The following ZNF181 variants were observed in gnomAD, a reference collection of about 807,000 sequenced individuals.
ZNF181 encodes zinc finger protein 181.
Under a neutral mutation model 11.9 loss-of-function variants are expected in ZNF181, and 8 were observed. That is an observed-to-expected ratio of 0.67 (90% CI 0.39 to 1.21). The LOEUF (loss-of-function observed/expected upper bound fraction) is 1.21. Ranked by LOEUF, ZNF181 falls within the 50% of genes most tolerant of loss-of-function variation. The pLI is 0.01. For missense variants in ZNF181, 542 were observed against 670.9 expected (o/e 0.81, Z 2.12); for synonymous variants, 202 against 221.1 (o/e 0.91, Z 0.77).
intron 1 of ZNF181, 40 bp from the exon 2 acceptor site, chr19:34,739,108 C>T: frequency 5.6e-6 from 9 of 1,612,350 alleles, no homozygotes; most frequent in Non-Finnish European, 7.6e-6. Context: ...ACAGAAGAGG[C>T]CTGGGCTATG....
chr19:34,735,339 C>T (rs546042139), intron 1 of ZNF181, among the ~76,000 whole-genome samples: 2 of 152,344 alleles, frequency 1.3e-5, no homozygotes, highest in Admixed American at 1.3e-4. Flanking sequence ...TTATGGTTGT[C>T]AAAACTGTAC....
Position 34,744,017 on chromosome 19 carries a change from T to G in ZNF181, c.*1920T>G, listed in dbSNP as rs1343740359. On this transcript the variant is annotated 3_prime_UTR_variant, in exon 4 of 4. Coordinates refer to ENST00000492450, the MANE Select transcript of ZNF181 (RefSeq NM_001029997.4). ...ATGGACACTGATGCAAGTGAAGGGG[T>G]GTGATATGGATTATGCTTCAGATTT... The G allele has an allele frequency of 2.0e-5, 3 of 152,260 alleles. No homozygotes were observed. Among genetic ancestry groups the G allele is most frequent in the South Asian group, 4.1e-4 (2 of 4,824 alleles). The allele number at this position is 152,260 out of a possible 1,614,324, so 9.4% of individuals were successfully genotyped here.
At chr19:34,739,887 C>G (rs778466847) in intron 3 of ZNF181, among the ~76,000 whole-genome samples, 8 of 152,096 alleles carry the variant, frequency 5.3e-5, no homozygotes, top group Non-Finnish European at 1.0e-4. Flanking sequence ...CTATTCATAA[C>G]AGTAAGGCAA....
chr19:34,738,488 C>A (rs967434617), intron 1 of ZNF181, among the ~76,000 whole-genome samples: 3 of 152,030 alleles, frequency 2.0e-5, no homozygotes, highest in African/African-American at 7.2e-5. Flanking sequence ...TTGGGGGTCA[C>A]AATCAAACCA....
rs2068859031 is a variant in ZNF181, at chr19:34,734,536, A to T, written c.-502A>T. On this transcript the variant is annotated 5_prime_UTR_variant, in exon 1 of 4. Coordinates refer to ENST00000492450, the MANE Select transcript of ZNF181 (RefSeq NM_001029997.4). ...GCCGACCTCTTGGCGCTGTTGTGAG[A>T]GTGAAGTGGGCGCGTGGTTAGACGC... The T allele has an allele frequency of 6.5e-6, 1 of 154,262 alleles. No individual in the cohort carries two copies. The highest frequency in any genetic ancestry group is 2.0e-4 in the South Asian group (1 of 5,018). 9.6% of individuals were successfully genotyped at this position (154,262 alleles called of 1,614,324 possible).
chr19:34,742,154 T>C lies in ZNF181; in HGVS notation c.*57T>C. 6.7e-7 allele frequency: 1 copy of C among 1,483,978 alleles called. No individual in the cohort carries two copies. Among genetic ancestry groups the C allele is most frequent in the Non-Finnish European group, 9.0e-7 (1 of 1,111,520 alleles). 91.9% of individuals were successfully genotyped at this position (1,483,978 alleles called of 1,614,324 possible). On this transcript the variant is annotated 3_prime_UTR_variant, in exon 4 of 4. Coordinates refer to ENST00000492450, the MANE Select transcript of ZNF181 (RefSeq NM_001029997.4). ...TCTCCCTTATTTAACATTAGAAAAA[T>C]TTATACTGGGGAAAGTCTTATGAAT... is the stretch of plus-strand genomic sequence containing the variant.
chr19:34,741,436 G>T lies in ZNF181; in HGVS notation c.1055G>T (p.Arg352Leu). Residue 352 changes from arginine to leucine, a missense_variant, in exon 4 of 4, where the codon CGT becomes CTT. Coordinates refer to ENST00000492450, the MANE Select transcript of ZNF181 (RefSeq NM_001029997.4). Reference sequence around the variant, plus strand: ...ACTCAAGAAAAACTCTATGAGTGTCGTATATGTGGAAAGGCCTTCATTCAT... The same window carrying T: ...ACTCAAGAAAAACTCTATGAGTGTCTTATATGTGGAAAGGCCTTCATTCAT... ...IHTQEKLYEC[R>L]ICGKAFIHRS... The T allele has an allele frequency of 6.2e-7, 1 of 1,613,804 alleles. No homozygotes were observed. The highest frequency in any genetic ancestry group is 8.5e-7 in the Non-Finnish European group (1 of 1,179,874).
chr19:34,739,694 G>T lies in ZNF181; in HGVS notation c.229+73G>T, dbSNP rs1468857278. The T allele has an allele frequency of 2.0e-6, 3 of 1,527,798 alleles. No individual in the cohort carries two copies. In the African/African-American group the frequency reaches 4.1e-5, roughly 21 times the overall value. The allele number at this position is 1,527,798 out of a possible 1,614,324, so 94.6% of individuals were successfully genotyped here. ...CCAAACTCTTTATAGTGAGTTTATA[G>T]TGAGTGTGGAGGCATTTTAGGTATA... On this transcript the variant is annotated intron_variant, in intron 3 of 3. Coordinates refer to ENST00000492450, the MANE Select transcript of ZNF181 (RefSeq NM_001029997.4).
chr19:34,741,988 A>G lies in ZNF181; in HGVS notation c.1607A>G (p.Gln536Arg), dbSNP rs1186981619. ...FSKGSNLTAH[Q>R]RVHNGEKPNS... ...AAAGGCTCAAATCTTACTGCCCATC[A>G]AAGAGTACATAATGGAGAGAAACCC... The change falls in exon 4 of 4, where the codon CAA (glutamine) becomes CGA (arginine). Residue 536 changes from glutamine to arginine, a missense_variant. By Grantham distance (43) the Gln-to-Arg change is conservative. Transcript: ENST00000492450. 6.2e-7 allele frequency: 1 copy of G among 1,613,816 alleles called. No homozygotes were observed. The highest frequency in any genetic ancestry group is 8.5e-7 in the Non-Finnish European group (1 of 1,179,860).
Position 34,734,284 on chromosome 19 carries a change from C to T in ZNF181, c.-754C>T, listed in dbSNP as rs1318502071. 1.3e-5 allele frequency: 2 copies of T among 152,210 alleles called. No individual in the cohort carries two copies. The allele number at this position is 152,210 out of a possible 1,614,324, so 9.4% of individuals were successfully genotyped here. ...TGACGGCGACTCCCAGGCTCCGGGACGATTCTGGGCAGTGTCGTCCCCAGA... is the reference window on the plus strand; with the variant it reads ...TGACGGCGACTCCCAGGCTCCGGGATGATTCTGGGCAGTGTCGTCCCCAGA... On this transcript the variant is annotated 5_prime_UTR_variant, in exon 1 of 4. The change creates a new upstream start codon in the 5' untranslated region. Transcript: ENST00000492450.
chr19:34,741,642 G>T lies in ZNF181; in HGVS notation c.1261G>T (p.Val421Phe). 2 of 1,613,842 alleles carry T rather than the reference G, an allele frequency of 1.2e-6. No individual in the cohort carries two copies. Residue 421 changes from valine to phenylalanine, a missense_variant, in exon 4 of 4, where the codon GTT becomes TTT. Physicochemically the swap from Val to Phe is conservative, Grantham distance 50. Transcript: ENST00000492450. ...AGTCTTTAGTAGCCTCTCATTTCTT[G>T]TTCAGCATCAGAGTATTCATACTGA... ...LKVFSSLSFL[V>F]QHQSIHTEEK...
chr19:34,734,929 A>G lies in ZNF181; in HGVS notation c.-109A>G, dbSNP rs1317744657. On this transcript the variant is annotated 5_prime_UTR_variant, in exon 1 of 4. Coordinates refer to ENST00000492450, the MANE Select transcript of ZNF181 (RefSeq NM_001029997.4). Reference sequence around the variant, plus strand: ...TCACAGGTGCCGCAAGATAAGCCTGATTTTTCATGACTGCTTTTTCCTGCC... The same window carrying G: ...TCACAGGTGCCGCAAGATAAGCCTGGTTTTTCATGACTGCTTTTTCCTGCC... 1.6e-6 allele frequency: 2 copies of G among 1,226,314 alleles called. No individual in the cohort carries two copies. The highest frequency in any genetic ancestry group is 1.5e-5 in the African/African-American group (1 of 65,930). The allele number at this position is 1,226,314 out of a possible 1,614,324, so 76.0% of individuals were successfully genotyped here.
rs111766413 is a variant in ZNF181, at chr19:34,741,242, T to C, written c.861T>C (p.His287=). 1,523 of 1,613,986 alleles carry C rather than the reference T, an allele frequency of 9.4e-4. 12 individuals carry two copies. In the African/African-American group the frequency reaches 0.018, roughly 19 times the overall value. The stretch of plus-strand genomic sequence containing the variant: ...CCCTTACACGACATCTGATAAGCCA[T>C]AGTGGAGAGAAACCTTACAAATGTA... ...GSSLTRHLIS[H]SGEKPYKCIE... is the part of the protein sequence containing the mutation. Residue 287 remains histidine, a synonymous_variant, in exon 4 of 4, where the codon CAT becomes CAC. Coordinates refer to ENST00000492450, the MANE Select transcript of ZNF181 (RefSeq NM_001029997.4).
chr19:34,739,783 C>T (rs550465729), intron 3 of ZNF181, among the ~76,000 whole-genome samples, 162 bp downstream of exon 3: 3 of 152,256 alleles, frequency 2.0e-5, no homozygotes, highest in Admixed American at 2.0e-4. Context: ...ATTTTCAAAA[C>T]AATTGTTCCT....
chr19:34,739,451 T>C, intron 2 of ZNF181, 72 bp from the exon 3 acceptor site: 2 of 1,595,666 alleles, frequency 1.3e-6, no homozygotes, highest in Non-Finnish European at 1.7e-6. Context: ...CATCCCTTCC[T>C]GTGGTCCCTC....
intron 1 of ZNF181, 100 bp downstream of exon 1, chr19:34,735,146 G>C: frequency 7.4e-7 from 1 of 1,349,682 alleles, no homozygotes; most frequent in South Asian, 1.3e-5. Context: ...GTCCATTTAA[G>C]GGACTGGATC....
chr19:34,736,684 AACTTT>A (rs2068894525), intron 1 of ZNF181, among the ~76,000 whole-genome samples: 2 of 152,162 alleles, frequency 1.3e-5, no homozygotes, highest in South Asian at 2.1e-4. Flanking sequence ...CTGAATTTTA[AACTTT>A]ACTTATTTTA....
chr19:34,742,114 G>C lies in ZNF181; in HGVS notation c.*17G>C, dbSNP rs749610934. 6.9e-5 allele frequency: 105 copies of C among 1,517,996 alleles called. No homozygotes were observed. The highest frequency in any genetic ancestry group is 9.1e-5 in the Non-Finnish European group (103 of 1,135,516). The allele number at this position is 1,517,996 out of a possible 1,614,324, so 94.0% of individuals were successfully genotyped here. A position where few individuals can be genotyped will look rare whatever the true frequency, so the allele number is the denominator to read the frequency against. Reference sequence around the variant, plus strand: ...ACTGTATGAAGCAGTGGTTATCATGGTAAATTTCCTAGATTCTCCCTTATT... The same window carrying C: ...ACTGTATGAAGCAGTGGTTATCATGCTAAATTTCCTAGATTCTCCCTTATT... On this transcript the variant is annotated 3_prime_UTR_variant, in exon 4 of 4. Transcript: ENST00000492450.
Position 34,739,243 on chromosome 19 carries a change from G to A in ZNF181, c.105G>A (p.Gln35=). ...ACTTATACAAGGATGTGATGGTCCA[G>A]AATTATGAGAACCTGGTCTCTGTAG... ...QRDLYKDVMV[Q]NYENLVSVAG... Residue 35 remains glutamine, a synonymous_variant, in exon 2 of 4, where the codon CAG becomes CAA. Coordinates refer to ENST00000492450, the MANE Select transcript of ZNF181 (RefSeq NM_001029997.4). 1 of 1,613,820 alleles carries A rather than the reference G, an allele frequency of 6.2e-7. No individual in the cohort carries two copies. The highest frequency in any genetic ancestry group is 2.2e-5 in the East Asian group (1 of 44,890).
Sources: gnomAD v4.1 joint callset for allele counts (sites outside exome capture counted in the v4.1 genomes callset) on GRCh38, gnomAD v4.1.1 for gene constraint, MANE v1.5 for transcripts, NCBI Gene and HGNC (gene_info 2026-07-23, HGNC 2026-07-21) for gene names.